ARHGEF38: variants seen among roughly 807,000 people sequenced by gnomAD.
The protein encoded by ARHGEF38 is Rho guanine nucleotide exchange factor 38.
Under a neutral mutation model 79.9 loss-of-function variants are expected in ARHGEF38, and 79 were observed. The ratio of observed to expected loss-of-function variants is 0.99; its 90% CI spans 0.82 to 1.19. The LOEUF is 1.19. ARHGEF38 is among the 50% of genes most tolerant of loss of function. The pLI, the probability that ARHGEF38 is intolerant of heterozygous loss-of-function variation, is 0.00. For synonymous variants in ARHGEF38, 366 were observed against 328.3 expected, an observed-to-expected ratio of 1.11 and a Z score of -1.24; for missense variants, 962 against 907.2, an observed-to-expected ratio of 1.06 and a Z score of -0.78.
intron 3 of ARHGEF38, among the ~76,000 whole-genome samples, chr4:105,624,240 C>A (rs1728854361): frequency 6.6e-6 from 1 of 152,052 alleles, no homozygotes; most frequent in African/African-American, 2.4e-5. Flanking sequence ...AAATTTTTAC[C>A]AGAATATTCC....
At chr4:105,665,429 G>A (rs1019697367) in intron 10 of ARHGEF38, among the ~76,000 whole-genome samples, 2 of 151,800 alleles carry the variant, frequency 1.3e-5, no homozygotes, top group African/African-American at 2.4e-5. Context: ...CCAGGGAGTC[G>A]GAGGTTGCAG....
chr4:105,674,155 A>G (rs1449119754), intron 13 of ARHGEF38, among the ~76,000 whole-genome samples: 1 of 152,196 alleles, frequency 6.6e-6, no homozygotes, highest in Non-Finnish European at 1.5e-5. Context: ...ATGTTACCAC[A>G]GGGAAAGATC....
intron 2 of ARHGEF38, among the ~76,000 whole-genome samples, chr4:105,608,922 G>A (rs183312221): frequency 2.0e-5 from 3 of 152,150 alleles, no homozygotes; most frequent in Admixed American, 6.6e-5. Flanking sequence ...CTTATCAGAT[G>A]TGTGGTTTGC....
chr4:105,638,086 T>C (rs533305707), intron 5 of ARHGEF38, among the ~76,000 whole-genome samples: 1 of 152,288 alleles, frequency 6.6e-6, no homozygotes, highest in African/African-American at 2.4e-5. Context: ...AAGTGCTGTG[T>C]AATTGTTGGG....
intron 4 of ARHGEF38, among the ~76,000 whole-genome samples, chr4:105,634,827 A>G (rs1287321983): frequency 6.6e-6 from 1 of 152,148 alleles, no homozygotes; most frequent in Non-Finnish European, 1.5e-5. Context: ...CCCAGGAGGA[A>G]AACTTCTAAC....
chr4:105,608,201 A>G (rs993201388), intron 2 of ARHGEF38, among the ~76,000 whole-genome samples: 1 of 152,056 alleles, frequency 6.6e-6, no homozygotes, highest in Admixed American at 6.6e-5. Flanking sequence ...GCAAGAGTTC[A>G]CTATTCTCCA....
At chr4:105,598,062 A>C (rs551971517) in intron 2 of ARHGEF38, among the ~76,000 whole-genome samples, 4 of 152,260 alleles carry the variant, frequency 2.6e-5, no homozygotes, top group South Asian at 4.1e-4. Flanking sequence ...TACGTTTAAG[A>C]ATAAGGGTAC....
intron 10 of ARHGEF38, among the ~76,000 whole-genome samples, chr4:105,661,911 TA>T (rs772264565): frequency 6.6e-6 from 1 of 152,168 alleles, no homozygotes; most frequent in Non-Finnish European, 1.5e-5. Context: ...AACGTTTTTT[TA>T]TTACAAATAA....
At chr4:105,597,825 A>G (rs1210978924) in intron 2 of ARHGEF38, among the ~76,000 whole-genome samples, 1 of 152,112 alleles carries the variant, frequency 6.6e-6, no homozygotes, top group Non-Finnish European at 1.5e-5. Context: ...TTTTTTTACA[A>G]CTGCATGTGA....
intron 2 of ARHGEF38, among the ~76,000 whole-genome samples, chr4:105,608,574 T>G (rs1282538243): frequency 6.6e-6 from 1 of 152,056 alleles, no homozygotes; most frequent in African/African-American, 2.4e-5. Context: ...AAAATTTATT[T>G]TCAAGGATGG....
chr4:105,667,307 G>C lies in ARHGEF38; in HGVS notation c.1868G>C (p.Arg623Thr). The change falls in exon 12 of 14, where the codon AGG becomes ACG. Residue 623 changes from arginine to threonine, a missense_variant. Arg to Thr is a moderately conservative substitution (Grantham distance 71, BLOSUM62 -1). Coordinates refer to ENST00000420470, the MANE Select transcript of ARHGEF38 (RefSeq NM_001242729.2). Reference protein sequence around the residue: ...EQKDPLGSTSRWLVDTGNVKG... With the variant: ...EQKDPLGSTSTWLVDTGNVKG... ...AAAGATCCACTGGGGAGTACAAGCA[G>C]GTGGCTTGTGGACACAGGAAGTAAG... 1.3e-6 allele frequency: 2 copies of C among 1,536,012 alleles called. No individual in the cohort carries two copies. The highest frequency in any genetic ancestry group is 1.7e-6 in the Non-Finnish European group (2 of 1,146,884).
intron 1 of ARHGEF38, among the ~76,000 whole-genome samples, chr4:105,587,916 C>T (rs954043829): frequency 2.0e-5 from 3 of 152,140 alleles, no homozygotes; most frequent in African/African-American, 4.8e-5. Context: ...CTGGATTGTC[C>T]AAAGATCAAC....
chr4:105,567,372 T>A (rs1397753196), intron 1 of ARHGEF38, among the ~76,000 whole-genome samples: 1 of 152,224 alleles, frequency 6.6e-6, no homozygotes, highest in Non-Finnish European at 1.5e-5. Context: ...GCAACTTGAC[T>A]TTATAAAATT....
chr4:105,583,947 G>A (rs1726915583), intron 1 of ARHGEF38, among the ~76,000 whole-genome samples: 1 of 151,888 alleles, frequency 6.6e-6, no homozygotes, highest in African/African-American at 2.4e-5. Flanking sequence ...TACTTAGTGT[G>A]TTTCCTTTTC....
rs1478767432 is a variant in ARHGEF38 at position 105,679,686 on chromosome 4, AG to A, written c.*1751del. The A allele has an allele frequency of 3.8e-6, 3 of 791,556 alleles. No individual in the cohort carries two copies. Among genetic ancestry groups the A allele is most frequent in the Non-Finnish European group, 6.9e-6 (3 of 435,018 alleles). 49.0% of individuals were successfully genotyped at this position (791,556 alleles called of 1,614,324 possible). ...TAAATTTAACTAAATCCATTGTAGAAGGAACACCTACACATTTAAAAGTAAT... is the reference window on the plus strand; with the variant it reads ...TAAATTTAACTAAATCCATTGTAGAAGAACACCTACACATTTAAAAGTAAT... On this transcript the variant is annotated 3_prime_UTR_variant, in exon 14 of 14. Coordinates refer to ENST00000420470, the MANE Select transcript of ARHGEF38 (RefSeq NM_001242729.2).
chr4:105,608,853 TG>T (rs1174461366), intron 2 of ARHGEF38, among the ~76,000 whole-genome samples: 11 of 152,166 alleles, frequency 7.2e-5, no homozygotes, highest in African/African-American at 2.6e-4. Context: ...CATGTTTTAA[TG>T]GGATTATTTG....
In ARHGEF38 at chr4:105,667,655, T is replaced by G; in HGVS notation, c.2100T>G (p.Phe700Leu). 1 of 1,536,432 alleles carries G rather than the reference T, an allele frequency of 6.5e-7. No homozygotes were observed. Among genetic ancestry groups the G allele is most frequent in the Non-Finnish European group, 8.7e-7 (1 of 1,146,970 alleles). The change falls in exon 13 of 14, where the codon TTT becomes TTG. Residue 700 changes from phenylalanine to leucine, a missense_variant. Physicochemically the swap from Phe to Leu is conservative, Grantham distance 22. Transcript: ENST00000420470. ...SSSLSGTCGKFETNGTDVDSF... is the reference protein window; with the variant it reads ...SSSLSGTCGKLETNGTDVDSF... The stretch of plus-strand genomic sequence containing the variant: ...CTCTTAGTGGCACATGTGGAAAGTT[T>G]GAAACAAATGGTACTGATGTTGACA...
intron 1 of ARHGEF38, among the ~76,000 whole-genome samples, chr4:105,574,243 C>T (rs1726373868): frequency 6.6e-6 from 1 of 151,936 alleles, no homozygotes; most frequent in African/African-American, 2.4e-5. Context: ...ATTTTCAGTA[C>T]TATGTTGAAA....
At chr4:105,665,029 T>C (rs1227360201) in intron 10 of ARHGEF38, among the ~76,000 whole-genome samples, 1 of 152,084 alleles carries the variant, frequency 6.6e-6, no homozygotes, top group Non-Finnish European at 1.5e-5. Flanking sequence ...AGGATCTCAC[T>C]CTGTCACCCA....
Sources: gnomAD v4.1 joint callset for allele counts (sites outside exome capture counted in the v4.1 genomes callset) on GRCh38, gnomAD v4.1.1 for gene constraint, MANE v1.5 for transcripts, NCBI Gene and HGNC (gene_info 2026-07-23, HGNC 2026-07-21) for gene names.